Variants in VAT1L observed in about 807,000 individuals in gnomAD.
VAT1L encodes vesicle amine transport 1 like, also known as putative NADPH-dependent quinone oxidoreductase VAT1L.
Under a neutral mutation model 44.1 loss-of-function variants are expected in VAT1L, and 34 were observed. That is an observed-to-expected ratio of 0.77 (90% CI 0.59 to 1.03). The LOEUF (loss-of-function observed/expected upper bound fraction) is 1.03, where lower values mean the gene tolerates loss of function less well. VAT1L is among the 50% of genes least tolerant of loss of function. The pLI is 0.00. For synonymous variants in VAT1L, 253 were observed against 202.2 expected, an observed-to-expected ratio of 1.25 and a Z score of -2.13; for missense variants, 615 against 538.8, an observed-to-expected ratio of 1.14 and a Z score of -1.40.
chr16:77,862,054 C>T (rs759418109), intron 3 of VAT1L, among the ~76,000 whole-genome samples: 22 of 152,180 alleles, frequency 1.4e-4, no homozygotes, highest in South Asian at 2.1e-4. Flanking sequence ...TCTGCAAGAG[C>T]GCTGTGAAGT....
chr16:77,890,339 G>A (rs938356767), intron 7 of VAT1L, among the ~76,000 whole-genome samples: 6 of 152,102 alleles, frequency 3.9e-5, no homozygotes, highest in African/African-American at 1.2e-4. Flanking sequence ...AGTAAGATTT[G>A]TTTGGTCAAT....
chr16:77,836,221 C>T (rs1246550110), intron 3 of VAT1L, among the ~76,000 whole-genome samples: 3 of 152,018 alleles, frequency 2.0e-5, no homozygotes, highest in South Asian at 2.1e-4. Context: ...TAGGGACCCC[C>T]GATTCAGTGC....
At chr16:77,927,567 T>C (rs1200903522) in intron 7 of VAT1L, among the ~76,000 whole-genome samples, 1 of 151,880 alleles carries the variant, frequency 6.6e-6, no homozygotes, top group Non-Finnish European at 1.5e-5. Context: ...CCTGTCCTGA[T>C]TTGCACCTCA....
At chr16:77,959,137 C>T (rs892381681) in intron 7 of VAT1L, among the ~76,000 whole-genome samples, 2 of 152,152 alleles carry the variant, frequency 1.3e-5, no homozygotes, top group African/African-American at 4.8e-5. Context: ...TCTGCCCCAC[C>T]CTCATCTATT....
chr16:77,883,833 C>T (rs1391378617), intron 6 of VAT1L, among the ~76,000 whole-genome samples: 1 of 152,118 alleles, frequency 6.6e-6, no homozygotes, highest in East Asian at 1.9e-4. Flanking sequence ...AAACCACTCC[C>T]CCAGGAAAGC....
intron 7 of VAT1L, among the ~76,000 whole-genome samples, chr16:77,940,711 TA>T (rs1469852324): frequency 3.9e-5 from 6 of 152,126 alleles, no homozygotes; most frequent in African/African-American, 1.4e-4. Flanking sequence ...CATCCATAAT[TA>T]ATTTAAAAAT....
chr16:77,836,808 C>A (rs1161248057), intron 3 of VAT1L, among the ~76,000 whole-genome samples: 1 of 152,154 alleles, frequency 6.6e-6, no homozygotes, highest in Non-Finnish European at 1.5e-5. Flanking sequence ...CTCAAATGAA[C>A]TAACTTTATT....
intron 2 of VAT1L, 47 bp from the exon 3 acceptor site, chr16:77,825,197 CCT>C: frequency 6.2e-7 from 1 of 1,601,666 alleles, no homozygotes; most frequent in Non-Finnish European, 8.5e-7. Context: ...TCTCCTTGAG[CCT>C]CTGTCATGAG....
intron 7 of VAT1L, among the ~76,000 whole-genome samples, chr16:77,957,619 G>A (rs1313198595): frequency 1.3e-5 from 2 of 151,866 alleles, no homozygotes; most frequent in African/African-American, 2.4e-5. Flanking sequence ...CAGCTACTCG[G>A]GAGGCTGAGG....
In VAT1L at chr16:77,876,473, G is replaced by T. The variant is rs1439569558; in HGVS notation, c.826G>T (p.Gly276Cys). The change falls in exon 5 of 9, where the codon GGC becomes TGC. Residue 276 changes from glycine to cysteine, a missense_variant and splice_region_variant. Gly to Cys is a radical substitution (Grantham distance 159, BLOSUM62 -3). Transcript: ENST00000302536. ...ACCCCTGGGAACCTACATTTTATAT[G>T]GTGAGTGCAAAACAGCAGCAGGGAC... ...LKPLGTYILY[G>C]SSNMVTGETK... is the part of the protein sequence containing the mutation. 1 of 1,613,788 alleles carries T rather than the reference G, an allele frequency of 6.2e-7. No homozygotes were observed. Among genetic ancestry groups the T allele is most frequent in the African/African-American group, 1.3e-5 (1 of 74,916 alleles).
intron 7 of VAT1L, among the ~76,000 whole-genome samples, chr16:77,936,185 T>C (rs949035184): frequency 2.0e-5 from 3 of 152,178 alleles, no homozygotes; most frequent in African/African-American, 7.2e-5. Context: ...TGGCCTGGAA[T>C]AGCAAGCTGG....
chr16:77,798,785 G>T (rs2015986996), intron 1 of VAT1L, among the ~76,000 whole-genome samples: 1 of 152,184 alleles, frequency 6.6e-6, no homozygotes, highest in East Asian at 1.9e-4. Context: ...GACAAGCGAG[G>T]AAATGGAACC....
At position 77,935,366 on chromosome 16, in the gene VAT1L, A is replaced by C. The variant is rs554868039; in HGVS notation, c.1078-36484A>C. Among the ~76,000 whole-genome samples, 4 of 152,238 alleles carry C rather than the reference A, an allele frequency of 2.6e-5. No individual in the cohort carries two copies. The South Asian group carries it at 6.2e-4, about 24-fold the overall frequency. On this transcript the variant is annotated intron_variant, in intron 7 of 8. Coordinates refer to ENST00000302536, the MANE Select transcript of VAT1L (RefSeq NM_020927.3). ...GTGCGGGTAAGAGAACTCATATTGT[A>C]GAGAATTACAACTCTTTGGGAAATA...
chr16:77,959,361 T>C (rs758833105), intron 7 of VAT1L, among the ~76,000 whole-genome samples: 1 of 152,226 alleles, frequency 6.6e-6, no homozygotes, highest in African/African-American at 2.4e-5. Flanking sequence ...ATCTCAAGCC[T>C]ACTTGCAATG....
At chr16:77,939,004 C>G (rs764266483) in intron 7 of VAT1L, among the ~76,000 whole-genome samples, 1 of 152,062 alleles carries the variant, frequency 6.6e-6, no homozygotes, top group Non-Finnish European at 1.5e-5. Flanking sequence ...AGACTTTAAA[C>G]CTTTCCTGCC....
chr16:77,907,957 A>C (rs2017455124), intron 7 of VAT1L, among the ~76,000 whole-genome samples: 1 of 152,182 alleles, frequency 6.6e-6, no homozygotes, highest in South Asian at 2.1e-4. Flanking sequence ...AGCCATCAAA[A>C]GGGCTGGACA....
chr16:77,842,261 T>G (rs1047473751), intron 3 of VAT1L, among the ~76,000 whole-genome samples: 1 of 152,156 alleles, frequency 6.6e-6, no homozygotes, highest in South Asian at 2.1e-4. Context: ...TGGGCCCTGA[T>G]GAACCTGAGA....
intron 1 of VAT1L, among the ~76,000 whole-genome samples, chr16:77,807,737 T>A (rs1017335265): frequency 6.6e-6 from 1 of 152,096 alleles, no homozygotes; most frequent in African/African-American, 2.4e-5. Context: ...GTACTCTGTT[T>A]TACATATACT....
At chr16:77,833,998 A>G (rs1458682170) in intron 3 of VAT1L, among the ~76,000 whole-genome samples, 4 of 152,128 alleles carry the variant, frequency 2.6e-5, no homozygotes, top group South Asian at 2.1e-4. Context: ...CAGCTATTCA[A>G]CAGGCTTCCT....
Sources: gnomAD v4.1 joint callset for allele counts (sites outside exome capture counted in the v4.1 genomes callset) on GRCh38, gnomAD v4.1.1 for gene constraint, MANE v1.5 for transcripts, NCBI Gene and HGNC (gene_info 2026-07-23, HGNC 2026-07-21) for gene names.